The following EYA1 variants were observed in gnomAD, a reference collection of about 807,000 sequenced individuals.
EYA1 encodes EYA transcriptional coactivator and phosphatase 1, also known as protein phosphatase EYA1.
EYA1 carries 16 observed loss-of-function variants against 82.0 expected under a neutral mutation model. The observed-to-expected ratio is 0.20, with a 90% CI of 0.13 to 0.30. EYA1 has a LOEUF of 0.30. Among genes scored for constraint, EYA1 ranks in the 10% least tolerant of loss-of-function variants. The pLI, the probability that EYA1 is intolerant of heterozygous loss-of-function variation, is 1.00. For synonymous variants in EYA1, 261 were observed against 264.4 expected (o/e 0.99, Z 0.12); for missense variants, 633 against 730.7 (o/e 0.87, Z 1.54).
chr8:71,228,040 T>C (rs758426021), intron 12 of EYA1, among the ~76,000 whole-genome samples: 2 of 152,180 alleles, frequency 1.3e-5, no homozygotes, highest in Non-Finnish European at 2.9e-5. Context: ...TTTTCCAAGC[T>C]GATTTTCTCT....
chr8:71,300,588 C>T (rs940137555), intron 7 of EYA1, among the ~76,000 whole-genome samples: 2 of 151,970 alleles, frequency 1.3e-5, no homozygotes, highest in South Asian at 2.1e-4. Flanking sequence ...TGAGAAATTT[C>T]GTATGCCATT....
In EYA1 at chr8:71,401,452, T is replaced by C. The variant is rs1829952731; in HGVS notation, c.34-44941A>G. Among the ~76,000 whole-genome samples the C allele has an allele frequency of 2.0e-5, 3 of 152,222 alleles. No homozygotes were observed. In the South Asian group the frequency reaches 6.2e-4, roughly 31 times the overall value. On this transcript the variant is annotated intron_variant, in intron 2 of 18. Transcript: ENST00000643681. ...TTTGTTAGTTTCTCATTACTGCAAG[T>C]AAATAATTAATTTTCATTGTTTTCA...
intron 9 of EYA1, among the ~76,000 whole-genome samples, chr8:71,294,188 G>T (rs568297850): frequency 9.2e-5 from 14 of 152,244 alleles, no homozygotes; most frequent in Admixed American, 2.6e-4. Context: ...GGCCGGGCGC[G>T]GTGGCTCACG....
chr8:71,451,885 T>A (rs1205820683), intron 2 of EYA1, among the ~76,000 whole-genome samples: 1 of 152,150 alleles, frequency 6.6e-6, no homozygotes. Flanking sequence ...AACTGAGGTA[T>A]CAGGTTCATC....
At chr8:71,520,709 GCTC>G (rs1264751838) in intron 2 of EYA1, among the ~76,000 whole-genome samples, 1 of 152,220 alleles carries the variant, frequency 6.6e-6, no homozygotes, top group Non-Finnish European at 1.5e-5. Flanking sequence ...AGCTGATCTA[GCTC>G]CTCATCAACT....
intron 2 of EYA1, among the ~76,000 whole-genome samples, chr8:71,477,082 G>T (rs1212437908): frequency 6.6e-6 from 1 of 151,908 alleles, no homozygotes; most frequent in African/African-American, 2.4e-5. Context: ...AACTAAAAAT[G>T]AATCAAAGAC....
intron 2 of EYA1, among the ~76,000 whole-genome samples, chr8:71,389,961 T>C (rs527410436): frequency 9.2e-5 from 14 of 152,340 alleles, no homozygotes; most frequent in South Asian, 8.3e-4. Flanking sequence ...CACTATTGAA[T>C]TTATCATTTA....
At chr8:71,400,479 G>T (rs551731153) in intron 2 of EYA1, among the ~76,000 whole-genome samples, 1 of 152,032 alleles carries the variant, frequency 6.6e-6, no homozygotes, top group Non-Finnish European at 1.5e-5. Context: ...GTGGGCAAAG[G>T]ACAGGAATAG....
intron 2 of EYA1, among the ~76,000 whole-genome samples, chr8:71,396,239 C>A (rs1196023999): frequency 6.6e-6 from 1 of 152,060 alleles, no homozygotes. Flanking sequence ...TTTCAAAAAA[C>A]CAGCTCCTGG....
intron 4 of EYA1, among the ~76,000 whole-genome samples, chr8:71,328,772 C>T (rs1490848475): frequency 1.3e-5 from 2 of 152,192 alleles, no homozygotes; most frequent in East Asian, 1.9e-4. Context: ...GTGATGTCTC[C>T]CCAACATCAC....
chr8:71,531,688 G>A (rs373044321), intron 2 of EYA1, among the ~76,000 whole-genome samples: 1 of 152,100 alleles, frequency 6.6e-6, no homozygotes. Context: ...CAACCACTAA[G>A]GTATCAGCAG....
At chr8:71,473,792 A>G (rs1809425288) in intron 2 of EYA1, among the ~76,000 whole-genome samples, 1 of 152,224 alleles carries the variant, frequency 6.6e-6, no homozygotes, top group Non-Finnish European at 1.5e-5. Flanking sequence ...AAAGACTTGG[A>G]ACCAACCCAG....
chr8:71,383,193 A>C (rs1466786579), intron 2 of EYA1, among the ~76,000 whole-genome samples: 1 of 152,066 alleles, frequency 6.6e-6, no homozygotes, highest in Admixed American at 6.5e-5. Flanking sequence ...CCAAAATTAT[A>C]AACTCTGGCA....
At chr8:71,428,058 G>A (rs1274965990) in intron 2 of EYA1, among the ~76,000 whole-genome samples, 3 of 151,836 alleles carry the variant, frequency 2.0e-5, no homozygotes, top group South Asian at 2.1e-4. Flanking sequence ...ATATGGGTGA[G>A]TCTGCATTGG....
rs756891032 is a variant in EYA1, at chr8:71,211,251, C to T, written c.1603G>A (p.Glu535Lys). Residue 535 changes from glutamate to lysine, a missense_variant, in exon 17 of 18, where the codon GAA becomes AAA. Coordinates refer to ENST00000340726, the MANE Select transcript of EYA1 (RefSeq NM_000503.6). ...NIYSATKIGK[E>K]SCFERIIQRF... ...TGAATTATTCTCTCAAAACAGCTTT[C>T]TTTTCCTAGTGAACAAAAATAAATG... 6.2e-7 allele frequency: 1 copy of T among 1,603,966 alleles called. No homozygotes were observed.
chr8:71,301,628 G>C (rs888602056), intron 7 of EYA1, among the ~76,000 whole-genome samples: 10 of 152,118 alleles, frequency 6.6e-5, no homozygotes, highest in African/African-American at 2.4e-4. Context: ...TTATCACAGA[G>C]ACTCTATTTG....
In EYA1 at chr8:71,369,202, C is replaced by CAAA. The variant is rs368382614; in HGVS notation, c.34-12694_34-12692dup. ...TGGGCAACAGAGCGAGACTCCGTCT[C>CAAA]AAAAAAAAAAAAAAAAAAAAACTTC... On this transcript the variant is annotated intron_variant, in intron 2 of 18. Transcript: ENST00000643681. 2.5e-3 allele frequency among the ~76,000 whole-genome samples: 146 copies of CAAA among 57,596 alleles called. 2 individuals carry two copies. Among genetic ancestry groups the CAAA allele is most frequent in the Middle Eastern group, 9.1e-3 (1 of 110 alleles). 37.8% of individuals were successfully genotyped at this position (57,596 alleles called of 152,430 possible). A position where few individuals can be genotyped will look rare whatever the true frequency, so the allele number is the denominator to read the frequency against.
At chr8:71,539,415 T>C (rs1814971389) in intron 1 of EYA1, among the ~76,000 whole-genome samples, 1 of 152,022 alleles carries the variant, frequency 6.6e-6, no homozygotes, top group Non-Finnish European at 1.5e-5. Flanking sequence ...CTCCAGGTGG[T>C]AGAGCGCCTG....
At chr8:71,465,064 C>A (rs1392802884) in intron 2 of EYA1, among the ~76,000 whole-genome samples, 2 of 152,136 alleles carry the variant, frequency 1.3e-5, no homozygotes, top group African/African-American at 4.8e-5. Flanking sequence ...AGAACAATTT[C>A]ATTTATTTTT....
Sources: gnomAD v4.1 joint callset for allele counts (sites outside exome capture counted in the v4.1 genomes callset) on GRCh38, gnomAD v4.1.1 for gene constraint, MANE v1.5 for transcripts, NCBI Gene and HGNC (gene_info 2026-07-23, HGNC 2026-07-21) for gene names.